The following F13A1 variants were observed in gnomAD, a reference collection of about 807,000 sequenced individuals.
F13A1 encodes FSF, A subunit.
F13A1 carries 47 observed loss-of-function variants against 80.1 expected under a neutral mutation model. That is an observed-to-expected ratio of 0.59 (90% CI 0.46 to 0.75). The LOEUF (loss-of-function observed/expected upper bound fraction) is 0.75. Among genes scored for constraint, F13A1 ranks in the 30% least tolerant of loss-of-function variants. The probability of loss-of-function intolerance (pLI) is 0.00; values close to 1 mark genes in which losing one functional copy is unlikely to be tolerated. For missense variants in F13A1, 817 were observed against 930.4 expected, an observed-to-expected ratio of 0.88 and a Z score of 1.59; for synonymous variants, 349 against 344.9, an observed-to-expected ratio of 1.01 and a Z score of -0.13.
At chr6:6,165,516 C>A (rs950451941) in intron 13 of F13A1, among the ~76,000 whole-genome samples, 1 of 152,108 alleles carries the variant, frequency 6.6e-6, no homozygotes, top group East Asian at 1.9e-4. Flanking sequence ...AGGGACAGGC[C>A]GTCACTTCAT....
At chr6:6,221,997 G>A in intron 8 of F13A1, 36 bp downstream of exon 8, 3 of 1,608,770 alleles carry the variant, frequency 1.9e-6, no homozygotes, top group Non-Finnish European at 2.5e-6. Flanking sequence ...TTACTATAAT[G>A]TGACATCAGC....
At chr6:6,201,489 C>T (rs547849722) in intron 8 of F13A1, among the ~76,000 whole-genome samples, 104 of 152,116 alleles carry the variant, frequency 6.8e-4, no homozygotes, top group Non-Finnish European at 1.2e-3. Context: ...ATGAAGAGAA[C>T]GAGAGGGTGC....
At chr6:6,164,035 T>C (rs1760620634) in intron 13 of F13A1, among the ~76,000 whole-genome samples, 1 of 152,202 alleles carries the variant, frequency 6.6e-6, no homozygotes, top group South Asian at 2.1e-4. Flanking sequence ...TATCTCATGG[T>C]GGCTTTGATT....
intron 3 of F13A1, among the ~76,000 whole-genome samples, chr6:6,282,148 C>T (rs530078739): frequency 1.3e-5 from 2 of 152,186 alleles, no homozygotes; most frequent in Admixed American, 1.3e-4. Context: ...ATGAGCACAC[C>T]TAGGATCTAG....
intron 3 of F13A1, among the ~76,000 whole-genome samples, chr6:6,296,743 T>C (rs1000678356): frequency 1.4e-5 from 2 of 145,244 alleles, no homozygotes; most frequent in Middle Eastern, 3.3e-3. Flanking sequence ...TTTATTTCCT[T>C]CTCCTGCCTA....
At chr6:6,197,971 G>A (rs975531296) in intron 8 of F13A1, among the ~76,000 whole-genome samples, 1 of 152,208 alleles carries the variant, frequency 6.6e-6, no homozygotes, top group Admixed American at 6.5e-5. Flanking sequence ...TACCGACAGG[G>A]TGGGGAAGAA....
chr6:6,248,489 A>G (rs997121661), intron 5 of F13A1, 70 bp from the exon 6 acceptor site: 1 of 1,223,192 alleles, frequency 8.2e-7, no homozygotes, highest in South Asian at 1.3e-5. Flanking sequence ...CTGATGAAAA[A>G]TAACATGAAA....
rs775862233 is a variant in F13A1 at position 6,174,582 on chromosome 6, G to A, written c.1745C>T (p.Ser582Phe). The change falls in exon 12 of 15, where the codon TCC (serine) becomes TTC (phenylalanine). Residue 582 changes from serine (S) to phenylalanine (F), a missense_variant and splice_region_variant. Physicochemically the swap from Ser to Phe is radical, Grantham distance 155 (BLOSUM62 -2). Coordinates refer to ENST00000264870, the MANE Select transcript of F13A1 (RefSeq NM_000129.4). ...GAACCACACCATTGTTAGCTTACAG[G>A]ACAAGGGCTCCAGCGTCACGTCGAA... is the stretch of plus-strand genomic sequence containing the variant. Reference protein sequence around the residue: ...ETFDVTLEPLSFKKEAVLIQA... With the variant: ...ETFDVTLEPLFFKKEAVLIQA... 6.8e-6 allele frequency: 11 copies of A among 1,614,078 alleles called. No homozygotes were observed. Among genetic ancestry groups the A allele is most frequent in the Admixed American group, 6.7e-5 (4 of 60,016 alleles).
intron 9 of F13A1, among the ~76,000 whole-genome samples, chr6:6,196,123 AC>A (rs1460741169): frequency 6.6e-6 from 1 of 152,246 alleles, no homozygotes; most frequent in Non-Finnish European, 1.5e-5. Context: ...CTACTCTGCC[AC>A]CTACAGACAC....
At chr6:6,189,641 C>T (rs370602953) in intron 10 of F13A1, among the ~76,000 whole-genome samples, 1 of 142,898 alleles carries the variant, frequency 7.0e-6, no homozygotes, top group Admixed American at 7.2e-5. Flanking sequence ...ACCTTTCTCT[C>T]TGGCTGCCCT....
At chr6:6,171,484 G>A (rs1760773179) in intron 12 of F13A1, among the ~76,000 whole-genome samples, 1 of 152,108 alleles carries the variant, frequency 6.6e-6, no homozygotes, top group Non-Finnish European at 1.5e-5. Context: ...CAATCAGGCG[G>A]GCTCCACCTT....
intron 13 of F13A1, among the ~76,000 whole-genome samples, chr6:6,165,213 T>G (rs1237478276): frequency 6.6e-6 from 1 of 152,184 alleles, no homozygotes; most frequent in Non-Finnish European, 1.5e-5. Flanking sequence ...GGTTGCTTTG[T>G]GGAAGGAAAC....
intron 3 of F13A1, among the ~76,000 whole-genome samples, chr6:6,268,378 T>A (rs1271451203): frequency 6.6e-6 from 1 of 152,202 alleles, no homozygotes; most frequent in African/African-American, 2.4e-5. Context: ...GCAACTTACC[T>A]AGGGTGATAC....
intron 10 of F13A1, among the ~76,000 whole-genome samples, chr6:6,194,088 T>C (rs1377068982): frequency 6.6e-6 from 1 of 152,208 alleles, no homozygotes; most frequent in Non-Finnish European, 1.5e-5. Context: ...TTGCCATTTG[T>C]CTAGCTCATG....
At chr6:6,239,748 GTGGCC>G (rs915231103) in intron 6 of F13A1, among the ~76,000 whole-genome samples, 2 of 152,246 alleles carry the variant, frequency 1.3e-5, no homozygotes, top group Admixed American at 6.5e-5. Flanking sequence ...GTCTCCAAGT[GTGGCC>G]TGCTGTTTTC....
intron 6 of F13A1, among the ~76,000 whole-genome samples, chr6:6,235,880 C>T (rs73361810): frequency 0.025 from 3,877 of 152,112 alleles, 147 homozygotes; most frequent in African/African-American, 0.089. Context: ...GAGGCAAAAA[C>T]GGAAAATGGC....
intron 10 of F13A1, among the ~76,000 whole-genome samples, chr6:6,185,132 T>C (rs865899278): frequency 0.024 from 3,610 of 151,430 alleles, 158 homozygotes; most frequent in African/African-American, 0.082. Flanking sequence ...TCTCTCTCTT[T>C]TTTTTTTTTT....
At chr6:6,263,906 G>A (rs1757809965) in intron 4 of F13A1, among the ~76,000 whole-genome samples, 1 of 152,182 alleles carries the variant, frequency 6.6e-6, no homozygotes. Flanking sequence ...GTACCACCAT[G>A]TTTAGTTTAT....
At chr6:6,153,768 A>G (rs983408211) in intron 13 of F13A1, among the ~76,000 whole-genome samples, 79 of 152,188 alleles carry the variant, frequency 5.2e-4, no homozygotes, top group African/African-American at 1.8e-3. Flanking sequence ...CCTGTTGATT[A>G]CAAAGAACCA....
Sources: gnomAD v4.1 joint callset for allele counts (sites outside exome capture counted in the v4.1 genomes callset) on GRCh38, gnomAD v4.1.1 for gene constraint, MANE v1.5 for transcripts, NCBI Gene and HGNC (gene_info 2026-07-23, HGNC 2026-07-21) for gene names.